Variants in NELL1 observed in about 807,000 individuals in gnomAD.
The protein encoded by NELL1 is neural EGFL like 1, also known as protein kinase C-binding protein NELL1.
NELL1 carries 76 observed loss-of-function variants against 107.4 expected under a neutral mutation model. The ratio of observed to expected loss-of-function variants is 0.71; its 90% CI spans 0.59 to 0.86. The LOEUF (loss-of-function observed/expected upper bound fraction) is 0.86, where lower values mean the gene tolerates loss of function less well. Ranked by LOEUF, NELL1 falls within the 40% of genes least tolerant of loss-of-function variation. NELL1 has a pLI of 0.00. For synonymous variants in NELL1, 353 were observed against 341.2 expected (o/e 1.03, Z -0.38); for missense variants, 1,024 against 1,005.5 (o/e 1.02, Z -0.25).
intron 12 of NELL1, among the ~76,000 whole-genome samples, chr11:21,086,115 G>T (rs76256559): frequency 2.0e-5 from 3 of 152,216 alleles, no homozygotes; most frequent in Non-Finnish European, 4.4e-5. Context: ...TTCCACGTAT[G>T]ACAGGTACCT....
At chr11:21,503,492 G>C (rs1855201735) in intron 15 of NELL1, among the ~76,000 whole-genome samples, 1 of 152,002 alleles carries the variant, frequency 6.6e-6, no homozygotes, top group South Asian at 2.1e-4. Context: ...ATTTTTCTTG[G>C]GCAAGTTCTC....
chr11:21,288,833 C>A (rs1470556788), intron 14 of NELL1, among the ~76,000 whole-genome samples: 3 of 152,122 alleles, frequency 2.0e-5, no homozygotes, highest in African/African-American at 7.2e-5. Context: ...ATTCACATGG[C>A]TGGCAGTTGC....
intron 2 of NELL1, among the ~76,000 whole-genome samples, chr11:20,766,422 C>A (rs1057496871): frequency 6.6e-6 from 1 of 152,148 alleles, no homozygotes; most frequent in African/African-American, 2.4e-5. Flanking sequence ...GCATTCAGGG[C>A]GTGGCAAGGT....
At chr11:21,490,975 T>C (rs1854791717) in intron 15 of NELL1, among the ~76,000 whole-genome samples, 1 of 152,150 alleles carries the variant, frequency 6.6e-6, no homozygotes, top group Admixed American at 6.6e-5. Context: ...GAAAAGCTTC[T>C]ATACAGCAAA....
At chr11:21,097,161 C>T (rs542937081) in intron 12 of NELL1, among the ~76,000 whole-genome samples, 129 of 152,256 alleles carry the variant, frequency 8.5e-4, no homozygotes, top group African/African-American at 3.0e-3. Context: ...CAGATTTCTA[C>T]GTTCATTCTA....
chr11:21,253,658 T>C (rs532385447), intron 14 of NELL1, among the ~76,000 whole-genome samples: 14 of 152,294 alleles, frequency 9.2e-5, no homozygotes, highest in African/African-American at 2.4e-4. Flanking sequence ...ACTGGTTTCA[T>C]TGGCAAAACA....
At chr11:21,025,261 C>T (rs904658368) in intron 12 of NELL1, among the ~76,000 whole-genome samples, 2 of 151,864 alleles carry the variant, frequency 1.3e-5, no homozygotes, top group Non-Finnish European at 2.9e-5. Flanking sequence ...GTATACCAAG[C>T]CTTATGCTTT....
chr11:21,340,431 C>T (rs1329819359), intron 14 of NELL1, among the ~76,000 whole-genome samples: 2 of 152,106 alleles, frequency 1.3e-5, no homozygotes, highest in South Asian at 2.1e-4. Flanking sequence ...GGATTACAGG[C>T]GTGAGCCACC....
chr11:21,062,128 T>C (rs757759487), intron 12 of NELL1, among the ~76,000 whole-genome samples: 8 of 152,230 alleles, frequency 5.3e-5, no homozygotes, highest in Non-Finnish European at 1.0e-4. Context: ...GAAATGTGGT[T>C]AGTCGAATTT....
rs12420558 is a variant in NELL1, at chr11:20,884,498, A to G, written c.507-946A>G. Among the ~76,000 whole-genome samples, 753 of 130,354 alleles carry G rather than the reference A, an allele frequency of 5.8e-3. 9 individuals are homozygous for G. Among genetic ancestry groups the G allele is most frequent in the Admixed American group, 0.042 (509 of 12,122 alleles). The allele number at this position is 130,354 out of a possible 152,430, so 85.5% of individuals were successfully genotyped here. ...CCACCCAGAATCTTCTGAGCATCCAATGCTGAGAGGTACTTGCCCGGGGTG... is the reference window on the plus strand; with the variant it reads ...CCACCCAGAATCTTCTGAGCATCCAGTGCTGAGAGGTACTTGCCCGGGGTG... On this transcript the variant is annotated intron_variant, in intron 4 of 19. Coordinates refer to ENST00000357134, the MANE Select transcript of NELL1 (RefSeq NM_006157.5).
At chr11:21,189,459 C>T (rs1857003835) in intron 13 of NELL1, among the ~76,000 whole-genome samples, 2 of 151,758 alleles carry the variant, frequency 1.3e-5, no homozygotes, top group South Asian at 4.1e-4. Context: ...CACAGTCTTT[C>T]ACAATGCACT....
At chr11:21,465,582 G>C (rs1282682576) in intron 15 of NELL1, among the ~76,000 whole-genome samples, 2 of 151,922 alleles carry the variant, frequency 1.3e-5, no homozygotes, top group East Asian at 3.9e-4. Flanking sequence ...TTCTGCCCTA[G>C]TTTTTTTCTC....
At chr11:20,830,338 G>A (rs1857981917) in intron 3 of NELL1, among the ~76,000 whole-genome samples, 1 of 151,882 alleles carries the variant, frequency 6.6e-6, no homozygotes, top group Admixed American at 6.6e-5. Flanking sequence ...TGTTCCTGTG[G>A]GTCTGTTTAT....
At chr11:20,694,584 G>A (rs542473188) in intron 2 of NELL1, among the ~76,000 whole-genome samples, 106 of 152,146 alleles carry the variant, frequency 7.0e-4, no homozygotes, top group African/African-American at 1.9e-3. Context: ...TAGGCGTGTG[G>A]TTTTATTTCT....
At chr11:20,954,289 T>C (rs939395865) in intron 11 of NELL1, among the ~76,000 whole-genome samples, 1 of 152,230 alleles carries the variant, frequency 6.6e-6, no homozygotes, top group African/African-American at 2.4e-5. Flanking sequence ...AGCAGATTAT[T>C]TGGGGTTCTC....
At chr11:20,675,926 T>C (rs544501807) in intron 1 of NELL1, among the ~76,000 whole-genome samples, 4 of 152,172 alleles carry the variant, frequency 2.6e-5, no homozygotes. Context: ...TTTTTGATCT[T>C]TTTGTAGAGA....
chr11:21,103,042 C>T (rs1854860433), intron 12 of NELL1, among the ~76,000 whole-genome samples: 1 of 152,178 alleles, frequency 6.6e-6, no homozygotes, highest in Admixed American at 6.5e-5. Flanking sequence ...AGTAACGTAA[C>T]TAGTCTTCTT....
intron 14 of NELL1, among the ~76,000 whole-genome samples, chr11:21,353,307 T>A (rs1009036959): frequency 6.6e-6 from 1 of 152,196 alleles, no homozygotes; most frequent in Non-Finnish European, 1.5e-5. Context: ...GCACTTACTT[T>A]CATATTTCCC....
intron 13 of NELL1, among the ~76,000 whole-genome samples, chr11:21,208,229 A>AT (rs1554981979): frequency 6.6e-6 from 1 of 152,030 alleles, no homozygotes; most frequent in Non-Finnish European, 1.5e-5. Flanking sequence ...ACAAAACACA[A>AT]TAAAAACCGT....
Sources: gnomAD v4.1 joint callset for allele counts (sites outside exome capture counted in the v4.1 genomes callset) on GRCh38, gnomAD v4.1.1 for gene constraint, MANE v1.5 for transcripts, NCBI Gene and HGNC (gene_info 2026-07-23, HGNC 2026-07-21) for gene names.